The following TENT5D variants were observed in gnomAD, a reference collection of about 807,000 sequenced individuals.
TENT5D encodes the protein terminal nucleotidyltransferase 5D.
For synonymous variants in TENT5D, 103 were observed against 100.6 expected, an observed-to-expected ratio of 1.02 and a Z score of -0.15; for missense variants, 191 against 287.0, an observed-to-expected ratio of 0.67 and a Z score of 2.42.
intron 3 of TENT5D, among the ~76,000 whole-genome samples, chrX:80,347,012 CT>C (rs1355809182): frequency 2.7e-5 from 3 of 111,581 alleles, no homozygotes; most frequent in Non-Finnish European, 5.7e-5. Flanking sequence ...TGAACTCATT[CT>C]TTTTTATGGC....
At chrX:80,405,785 T>G (rs1173444387) in intron 3 of TENT5D, among the ~76,000 whole-genome samples, 1 of 112,664 alleles carries the variant, frequency 8.9e-6, no homozygotes, top group African/African-American at 3.2e-5. Flanking sequence ...CTCTGTAGGC[T>G]CCACCTCTGG....
intron 1 of TENT5D, among the ~76,000 whole-genome samples, chrX:80,431,180 G>A (rs979236837): frequency 3.6e-5 from 4 of 111,702 alleles, no homozygotes; most frequent in African/African-American, 9.8e-5. Context: ...TCCTTTGATG[G>A]GGACAGTACC....
chrX:80,407,763 TA>T (rs1286649458), intron 3 of TENT5D, among the ~76,000 whole-genome samples: 2 of 107,466 alleles, frequency 1.9e-5, no homozygotes, highest in African/African-American at 6.9e-5. Flanking sequence ...AATAGACATC[TA>T]CAGAACTCTC....
exon 3 of TENT5D, chrX:80,443,804 G>A (rs969733551): frequency 5.0e-6 from 4 of 793,395 alleles, no homozygotes; most frequent in Non-Finnish European, 5.3e-6. Flanking sequence ...TTTTATTTTT[G>A]TACAGTTACC....
intron 3 of TENT5D, among the ~76,000 whole-genome samples, chrX:80,353,606 G>T (rs1235972476): frequency 8.9e-6 from 1 of 112,141 alleles, no homozygotes; most frequent in Non-Finnish European, 1.9e-5. Context: ...CAAAGGAGAT[G>T]ATCTCATTCT....
intron 2 of TENT5D, among the ~76,000 whole-genome samples, chrX:80,339,856 A>AATATAT (rs750677776): frequency 3.4e-3 from 346 of 102,112 alleles, no homozygotes; most frequent in African/African-American, 0.012. Flanking sequence ...AGTTATCGGA[A>AATATAT]ATATATATAT....
rs1168736901 is a variant in TENT5D at position 80,391,884 on chromosome X, T to G, written c.-141-46726T>G. ...AGGTGCCGCTAGGCACTAGACACAT[T>G]CACTCTTAAAGCAACCTGTCTTTGT... On this transcript the variant is annotated intron_variant, in intron 3 of 4. Coordinates refer to the TENT5D transcript ENST00000538312. Among the ~76,000 whole-genome samples the G allele has an allele frequency of 2.7e-5, 3 of 112,702 alleles. No homozygotes were observed. In the South Asian group the frequency reaches 1.1e-3, roughly 41 times the overall value.
At chrX:80,406,984 C>T (rs1307411633) in intron 3 of TENT5D, among the ~76,000 whole-genome samples, 2 of 106,257 alleles carry the variant, frequency 1.9e-5, no homozygotes, top group South Asian at 4.4e-4. Context: ...CCCAGAATTT[C>T]ATATCCAGCC....
intron 3 of TENT5D, among the ~76,000 whole-genome samples, chrX:80,383,468 A>C (rs1256225589): frequency 8.9e-6 from 1 of 112,227 alleles, no homozygotes; most frequent in Non-Finnish European, 1.9e-5. Context: ...TAACTAGTGT[A>C]TCTTCATATA....
intron 3 of TENT5D, among the ~76,000 whole-genome samples, chrX:80,388,214 G>T (rs1023057630): frequency 9.0e-6 from 1 of 110,831 alleles, no homozygotes; most frequent in Non-Finnish European, 1.9e-5. Context: ...AGCCTGCTTG[G>T]TGCTCTCCCA....
At chrX:80,347,117 A>G (rs1183891261) in intron 3 of TENT5D, among the ~76,000 whole-genome samples, 2 of 111,461 alleles carry the variant, frequency 1.8e-5, no homozygotes, top group African/African-American at 6.5e-5. Context: ...TTGCTATTGT[A>G]AATATTGCTG....
chrX:80,374,013 A>T (rs1333079296), intron 3 of TENT5D, among the ~76,000 whole-genome samples: 1 of 110,649 alleles, frequency 9.0e-6, no homozygotes, highest in Non-Finnish European at 1.9e-5. Flanking sequence ...ACCCTCTGAA[A>T]GGCCTCATTG....
intron 3 of TENT5D, among the ~76,000 whole-genome samples, chrX:80,387,178 A>G (rs1322549822): frequency 1.8e-5 from 2 of 112,135 alleles, no homozygotes; most frequent in African/African-American, 6.5e-5. Flanking sequence ...AATGTCAAAG[A>G]TTGCAGCCAA....
At chrX:80,347,971 T>C (rs961498585) in intron 3 of TENT5D, among the ~76,000 whole-genome samples, 4 of 111,836 alleles carry the variant, frequency 3.6e-5, no homozygotes, top group African/African-American at 1.3e-4. Context: ...TTGTTGAAGA[T>C]AACATGGTTG....
upstream of TENT5D, chrX:80,420,458 G>A (rs963652150): frequency 1.8e-4 from 20 of 111,216 alleles, no homozygotes; most frequent in Non-Finnish European, 3.0e-4. Context: ...CAGCAAGTGA[G>A]GTGTAGAGAA....
intron 3 of TENT5D, among the ~76,000 whole-genome samples, chrX:80,398,383 T>A (rs772815422): frequency 8.9e-6 from 1 of 112,256 alleles, no homozygotes; most frequent in African/African-American, 3.2e-5. Flanking sequence ...TAACATTTCC[T>A]TTGCTGTGCA....
chrX:80,376,383 C>T (rs779208388), intron 3 of TENT5D, among the ~76,000 whole-genome samples: 1 of 111,194 alleles, frequency 9.0e-6, no homozygotes, highest in South Asian at 3.8e-4. Context: ...TTTATTTAAA[C>T]ACTGATGGCT....
At chrX:80,413,136 T>G (rs1005980458) in intron 3 of TENT5D, among the ~76,000 whole-genome samples, 2 of 112,193 alleles carry the variant, frequency 1.8e-5, no homozygotes. Context: ...TGAAGCCATT[T>G]CTAATTCTAT....
intron 1 of TENT5D, 135 bp downstream of exon 1, chrX:80,420,698 A>G (rs1046544151): frequency 1.8e-5 from 2 of 112,471 alleles, no homozygotes; most frequent in African/African-American, 6.5e-5. Context: ...TATCTCTTTC[A>G]TTAATAACTG....
Sources: allele counts gnomAD v4.1 joint callset (sites outside exome capture counted in the v4.1 genomes callset), GRCh38; gene constraint gnomAD v4.1.1; transcripts MANE v1.5; gene names NCBI Gene and HGNC (gene_info 2026-07-23, HGNC 2026-07-21).